FBLIM1: variants seen among roughly 807,000 people sequenced by gnomAD.
The protein encoded by FBLIM1 is filamin-binding LIM protein 1.
FBLIM1 carries 29 observed loss-of-function variants against 37.4 expected under a neutral mutation model. The ratio of observed to expected loss-of-function variants is 0.77; its 90% CI spans 0.58 to 1.06. The LOEUF (loss-of-function observed/expected upper bound fraction) is 1.06. FBLIM1 is among the 50% of genes least tolerant of loss of function. The pLI, the probability that FBLIM1 is intolerant of heterozygous loss-of-function variation, is 0.00. For synonymous variants in FBLIM1, 193 were observed against 199.0 expected, an observed-to-expected ratio of 0.97 and a Z score of 0.25; for missense variants, 449 against 505.6, an observed-to-expected ratio of 0.89 and a Z score of 1.07.
At chr1:15,774,545 C>T (rs1017319002) in intron 6 of FBLIM1, 73 bp from the exon 7 acceptor site, 1 of 1,536,180 alleles carries the variant, frequency 6.5e-7, no homozygotes, top group African/African-American at 1.4e-5. Context: ...AGGGCAGCCT[C>T]TCAGAAGAAG....
chr1:15,770,087 C>T lies in FBLIM1; in HGVS notation c.542-322C>T, dbSNP rs147001649. ...TCAGCCCCATGAGTAGCTGGGACTA[C>T]GGGGGCATGCCACTATGCCCGGCTA... On this transcript the variant is annotated intron_variant, in intron 5 of 8. Transcript: ENST00000375766. 3.9e-3 allele frequency among the ~76,000 whole-genome samples: 597 copies of T among 151,962 alleles called. 5 individuals carry two copies. The highest frequency in any genetic ancestry group is 0.014 in the African/African-American group (575 of 41,424).
At chr1:15,763,026 CCG>C (rs2068746712) in intron 1 of FBLIM1, among the ~76,000 whole-genome samples, 1 of 151,876 alleles carries the variant, frequency 6.6e-6, no homozygotes, top group South Asian at 2.1e-4. Flanking sequence ...GCTGAGGCTG[CCG>C]CAGTTGGACT....
intron 8 of FBLIM1, among the ~76,000 whole-genome samples, chr1:15,782,407 TAAAAAA>T (rs766909189): frequency 7.9e-6 from 1 of 126,156 alleles, no homozygotes; most frequent in African/African-American, 2.9e-5. Flanking sequence ...GACTCTATCT[TAAAAAA>T]AAAAAAAAAA....
At chr1:15,762,091 T>A (rs911513648) in intron 1 of FBLIM1, among the ~76,000 whole-genome samples, 32 of 151,378 alleles carry the variant, frequency 2.1e-4, no homozygotes, top group African/African-American at 7.5e-4. Flanking sequence ...TTTATGCTTT[T>A]CTTTTTTTTT....
At chr1:15,779,301 A>G (rs1353870859) in intron 8 of FBLIM1, among the ~76,000 whole-genome samples, 1 of 151,194 alleles carries the variant, frequency 6.6e-6, no homozygotes, top group Non-Finnish European at 1.5e-5. Context: ...GTTTTTATTA[A>G]ATTTTTATTT....
chr1:15,764,923 T>G, intron 2 of FBLIM1, 41 bp from the exon 3 acceptor site: 2 of 1,543,312 alleles, frequency 1.3e-6, no homozygotes, highest in Non-Finnish European at 1.7e-6. Flanking sequence ...TGGCTGTGTG[T>G]CTGGGTGGCA....
chr1:15,762,337 T>C (rs1022539295), intron 1 of FBLIM1, among the ~76,000 whole-genome samples: 10 of 150,812 alleles, frequency 6.6e-5, no homozygotes, highest in African/African-American at 2.2e-4. Context: ...AATCTCGGCT[T>C]ACTGCAACCT....
chr1:15,761,683 A>G (rs2068679561), intron 1 of FBLIM1, among the ~76,000 whole-genome samples: 1 of 152,194 alleles, frequency 6.6e-6, no homozygotes, highest in African/African-American at 2.4e-5. Flanking sequence ...ATAAGTTTTG[A>G]AGCTCTTTCC....
intron 7 of FBLIM1, among the ~76,000 whole-genome samples, chr1:15,775,507 C>T (rs1021541227): frequency 6.6e-6 from 1 of 150,836 alleles, no homozygotes. Flanking sequence ...TGCACTCCAG[C>T]CTGGGTGACA....
intron 8 of FBLIM1, among the ~76,000 whole-genome samples, chr1:15,783,110 T>A (rs537438519): frequency 1.3e-5 from 2 of 151,918 alleles, no homozygotes; most frequent in Admixed American, 1.3e-4. Flanking sequence ...AAGGACTCTT[T>A]TGTGGGATCA....
At chr1:15,780,658 A>C (rs2069612610) in intron 8 of FBLIM1, among the ~76,000 whole-genome samples, 1 of 152,154 alleles carries the variant, frequency 6.6e-6, no homozygotes, top group Non-Finnish European at 1.5e-5. Flanking sequence ...GATGGTGACA[A>C]GGTGGCAACT....
In FBLIM1 at chr1:15,781,868, G is replaced by C. The variant is rs1029059714; in HGVS notation, c.1009-2680G>C. 2.0e-4 allele frequency among the ~76,000 whole-genome samples: 24 copies of C among 117,624 alleles called. No individual in the cohort carries two copies. In the South Asian group the frequency reaches 3.2e-3, roughly 16 times the overall value. The allele number at this position is 117,624 out of a possible 152,430, so 77.2% of individuals were successfully genotyped here. On this transcript the variant is annotated intron_variant, in intron 8 of 8. Coordinates refer to ENST00000375766, the MANE Select transcript of FBLIM1 (RefSeq NM_017556.4). ...CGAGTAGCTGGGACCACAGGCGCCT[G>C]CCACCACGCCTGGCTAATTTTTTGT...
chr1:15,767,147 C>T (rs2068963609), intron 3 of FBLIM1, among the ~76,000 whole-genome samples: 1 of 151,946 alleles, frequency 6.6e-6, no homozygotes, highest in African/African-American at 2.4e-5. Context: ...CCTACCTCGG[C>T]CTCCCAAAGT....
At position 15,765,128 on chromosome 1, in the gene FBLIM1, A is replaced by G. The variant is rs1321625525; in HGVS notation, c.145A>G (p.Met49Val). The G allele has an allele frequency of 1.9e-6, 3 of 1,613,728 alleles. No homozygotes were observed. Among genetic ancestry groups the G allele is most frequent in the African/African-American group, 1.3e-5 (1 of 74,926 alleles). The change falls in exon 3 of 9, where the codon ATG becomes GTG. Residue 49 changes from methionine (M) to valine (V), a missense_variant. Met to Val is a conservative substitution (Grantham distance 21). Transcript: ENST00000375766. This position sits in a 1 kb window ranked among gnomAD's most constrained non-coding sequence, Gnocchi z 5.9. ...CCGCCCCTGGGAGGCTCCTGCCCCC[A>G]TGAAGACACCCGAGGCTGGCTTGGC... Reference protein sequence around the residue: ...RGRPWEAPAPMKTPEAGLAGR... With the variant: ...RGRPWEAPAPVKTPEAGLAGR...
In FBLIM1 at chr1:15,763,064, A is replaced by G. The variant is rs1026006333; in HGVS notation, c.-210-1432A>G. Among the ~76,000 whole-genome samples, 8 of 148,358 alleles carry G rather than the reference A, an allele frequency of 5.4e-5. No individual in the cohort carries two copies. The East Asian group carries it at 8.1e-4, about 15-fold the overall frequency. On this transcript the variant is annotated intron_variant, in intron 1 of 8. Coordinates refer to ENST00000375766, the MANE Select transcript of FBLIM1 (RefSeq NM_017556.4). ...TCATCCTGAGGTGGTGGAGAGCCAT[A>G]CTTTTTTTCTTTTTTTTTTTTTAGA...
intron 8 of FBLIM1, among the ~76,000 whole-genome samples, chr1:15,779,304 TTTTA>T (rs1270037454): frequency 2.0e-5 from 3 of 151,786 alleles, no homozygotes; most frequent in Admixed American, 6.6e-5. Flanking sequence ...TTTATTAAAT[TTTTA>T]TTTATTTATT....
chr1:15,780,975 C>G (rs1490810156), intron 8 of FBLIM1, among the ~76,000 whole-genome samples: 2 of 152,098 alleles, frequency 1.3e-5, no homozygotes, highest in Non-Finnish European at 2.9e-5. Flanking sequence ...CTTCCTGAGC[C>G]TGGCCAGGAA....
intron 6 of FBLIM1, among the ~76,000 whole-genome samples, chr1:15,773,359 C>T (rs536117415): frequency 1.1e-4 from 17 of 148,874 alleles, no homozygotes; most frequent in African/African-American, 3.7e-4. Context: ...CTCCAGCCTG[C>T]GCAACAGAGC....
intron 3 of FBLIM1, among the ~76,000 whole-genome samples, chr1:15,766,837 C>T (rs952679524): frequency 2.6e-5 from 4 of 151,712 alleles, no homozygotes; most frequent in Non-Finnish European, 5.9e-5. Context: ...AGGTGATCTG[C>T]CTGCCTCAGT....
Sources: gnomAD v4.1 joint callset for allele counts (sites outside exome capture counted in the v4.1 genomes callset) on GRCh38, gnomAD v4.1.1 for gene constraint, Gnocchi (gnomAD v3.1) non-coding constraint, MANE v1.5 for transcripts, NCBI Gene and HGNC (gene_info 2026-07-23, HGNC 2026-07-21) for gene names.